RIN3: variants seen among roughly 807,000 people sequenced by gnomAD.
RIN3 encodes the protein RAB5 interacting protein 3.
In RIN3, 54 loss-of-function variants were observed where a neutral mutation model predicts 76.3. The ratio of observed to expected loss-of-function variants is 0.71; its 90% CI spans 0.57 to 0.89. The LOEUF (loss-of-function observed/expected upper bound fraction) is 0.89. Among genes scored for constraint, RIN3 ranks in the 40% least tolerant of loss-of-function variants. The probability of loss-of-function intolerance (pLI) is 0.00; values close to 1 mark genes in which losing one functional copy is unlikely to be tolerated. For missense variants in RIN3, 1,256 were observed against 1,322.1 expected (o/e 0.95, Z 0.78); for synonymous variants, 576 against 564.0 (o/e 1.02, Z -0.30).
intron 3 of RIN3, among the ~76,000 whole-genome samples, chr14:92,594,929 G>A (rs1474727160): frequency 1.3e-5 from 2 of 152,204 alleles, no homozygotes; most frequent in African/African-American, 4.8e-5. Context: ...TGAGCAACAT[G>A]TGTTTTCCTT....
At chr14:92,554,331 A>T (rs2140033471) in intron 1 of RIN3, among the ~76,000 whole-genome samples, 1 of 152,316 alleles carries the variant, frequency 6.6e-6, no homozygotes, top group Non-Finnish European at 1.5e-5. Context: ...TAAACCGGAC[A>T]GAACTGTGAA....
intron 3 of RIN3, among the ~76,000 whole-genome samples, chr14:92,590,526 T>C (rs2140076117): frequency 6.6e-6 from 1 of 152,300 alleles, no homozygotes; most frequent in African/African-American, 2.4e-5. Context: ...TCCACCATAA[T>C]TGAAAGCTCC....
At chr14:92,573,665 G>A (rs1898130013) in intron 2 of RIN3, among the ~76,000 whole-genome samples, 1 of 152,174 alleles carries the variant, frequency 6.6e-6, no homozygotes, top group Non-Finnish European at 1.5e-5. Flanking sequence ...GAAATTCCAT[G>A]GGTTTTTGAA....
At chr14:92,607,936 G>T (rs1885587245) in intron 3 of RIN3, among the ~76,000 whole-genome samples, 1 of 152,214 alleles carries the variant, frequency 6.6e-6, no homozygotes, top group Non-Finnish European at 1.5e-5. Context: ...TATATACTTT[G>T]TGATTCAACT....
At chr14:92,665,692 A>G (rs1888070974) in intron 7 of RIN3, among the ~76,000 whole-genome samples, 1 of 151,766 alleles carries the variant, frequency 6.6e-6, no homozygotes, top group Non-Finnish European at 1.5e-5. Context: ...CTTTGTCTTT[A>G]ATGATATTGA....
At chr14:92,523,631 C>T (rs1170456094) in intron 1 of RIN3, among the ~76,000 whole-genome samples, 3 of 152,124 alleles carry the variant, frequency 2.0e-5, no homozygotes, top group Admixed American at 2.0e-4. Context: ...TCCACTAAGG[C>T]TCTTGTTTCA....
intron 2 of RIN3, among the ~76,000 whole-genome samples, chr14:92,564,495 T>C (rs1897864057): frequency 6.6e-6 from 1 of 152,148 alleles, no homozygotes; most frequent in African/African-American, 2.4e-5. Context: ...AAAGGAGTCT[T>C]GGAATTGTTC....
chr14:92,560,008 A>G (rs1323652892), intron 2 of RIN3, among the ~76,000 whole-genome samples: 2 of 152,226 alleles, frequency 1.3e-5, no homozygotes, highest in African/African-American at 4.8e-5. Flanking sequence ...GCTTCTTCCA[A>G]ACTGACAAAG....
intron 1 of RIN3, among the ~76,000 whole-genome samples, chr14:92,518,885 G>T (rs1896520583): frequency 6.6e-6 from 1 of 151,342 alleles, no homozygotes; most frequent in African/African-American, 2.4e-5. Flanking sequence ...ACTGTCCTTT[G>T]CTGGTTTGGA....
At chr14:92,588,406 A>G (rs571936311) in intron 3 of RIN3, among the ~76,000 whole-genome samples, 1 of 151,760 alleles carries the variant, frequency 6.6e-6, no homozygotes, top group Non-Finnish European at 1.5e-5. Flanking sequence ...TTGCATTTTT[A>G]GTAGGGACAG....
intron 1 of RIN3, among the ~76,000 whole-genome samples, chr14:92,536,073 T>C (rs1468411294): frequency 1.3e-5 from 2 of 152,210 alleles, no homozygotes; most frequent in African/African-American, 4.8e-5. Context: ...ACTTTTCTGT[T>C]CCACTGACCT....
chr14:92,661,583 G>A (rs1369983280), intron 7 of RIN3, among the ~76,000 whole-genome samples: 6 of 152,172 alleles, frequency 3.9e-5, no homozygotes, highest in African/African-American at 1.2e-4. Flanking sequence ...AATTAGCCGA[G>A]TGTGTTGGCG....
chr14:92,635,758 C>T (rs1886751989), intron 4 of RIN3, among the ~76,000 whole-genome samples: 1 of 152,082 alleles, frequency 6.6e-6, no homozygotes, highest in Non-Finnish European at 1.5e-5. Flanking sequence ...GAGACTGAGG[C>T]AGGAGAATCG....
intron 1 of RIN3, among the ~76,000 whole-genome samples, chr14:92,533,004 A>G (rs1041449103): frequency 1.3e-5 from 2 of 152,216 alleles, no homozygotes; most frequent in African/African-American, 4.8e-5. Context: ...AAACACTGCA[A>G]CAGATGGCAC....
intron 6 of RIN3, 147 bp downstream of exon 6, chr14:92,653,222 C>G (rs957922402): frequency 8.1e-6 from 7 of 862,022 alleles, no homozygotes; most frequent in Non-Finnish European, 1.2e-5. Flanking sequence ...CTTTCTCTGG[C>G]TGCTGCAAGG....
intron 2 of RIN3, among the ~76,000 whole-genome samples, chr14:92,569,422 C>A (rs1898001478): frequency 6.6e-6 from 1 of 152,130 alleles, no homozygotes. Context: ...GGTGTTGCCA[C>A]CCCCATTTAT....
At position 92,681,299 on chromosome 14, in the gene RIN3, CAGAG is replaced by C. The variant is rs1251813518; in HGVS notation, c.2468-3681_2468-3678del. Among the ~76,000 whole-genome samples the C allele has an allele frequency of 5.3e-5, 8 of 151,168 alleles. No homozygotes were observed. Among genetic ancestry groups the C allele is most frequent in the South Asian group, 4.2e-4 (2 of 4,770 alleles). Reference sequence around the variant, plus strand: ...GCCCCAAGTCAAAGAGGAAGGCTGGCAGAGAGAGAGGCCTCACGAAGAAGTCAGA... The same window carrying C: ...GCCCCAAGTCAAAGAGGAAGGCTGGCAGAGAGGCCTCACGAAGAAGTCAGA... On this transcript the variant is annotated intron_variant, in intron 8 of 9. Coordinates refer to ENST00000216487, the MANE Select transcript of RIN3 (RefSeq NM_024832.5). The surrounding 1 kb of genome is among the most constrained non-coding windows in gnomAD (Gnocchi z 4.7).
At chr14:92,674,500 G>T (rs995458712) in intron 7 of RIN3, among the ~76,000 whole-genome samples, 4 of 152,128 alleles carry the variant, frequency 2.6e-5, no homozygotes, top group Non-Finnish European at 1.5e-5. Context: ...CTACTCAGGA[G>T]GCTGAGGTGG....
intron 7 of RIN3, among the ~76,000 whole-genome samples, chr14:92,664,348 T>C (rs754907491): frequency 1.1e-4 from 15 of 140,618 alleles, no homozygotes; most frequent in Non-Finnish European, 2.3e-4. Flanking sequence ...CGCTTCATCA[T>C]TTTCTTTCTT....
Sources: allele counts gnomAD v4.1 joint callset (sites outside exome capture counted in the v4.1 genomes callset), GRCh38; gene constraint gnomAD v4.1.1; non-coding constraint Gnocchi (gnomAD v3.1); transcripts MANE v1.5; gene names NCBI Gene and HGNC (gene_info 2026-07-23, HGNC 2026-07-21).